SFXN2: variants seen among roughly 807,000 people sequenced by gnomAD.
The protein encoded by SFXN2 is sideroflexin 2, also known as sideroflexin-2.
In SFXN2, 37 loss-of-function variants were observed where a neutral mutation model predicts 41.9. The ratio of observed to expected loss-of-function variants is 0.88; its 90% CI spans 0.68 to 1.16. The LOEUF (loss-of-function observed/expected upper bound fraction) is 1.16. SFXN2 is among the 50% of genes most tolerant of loss of function. The pLI is 0.00. For synonymous variants in SFXN2, 150 were observed against 156.7 expected, an observed-to-expected ratio of 0.96 and a Z score of 0.32; for missense variants, 386 against 425.2, an observed-to-expected ratio of 0.91 and a Z score of 0.81.
rs1211740480 is a variant in SFXN2, at chr10:102,734,985, C to T, written c.822-877C>T. 6.6e-6 allele frequency among the ~76,000 whole-genome samples: 1 copy of T among 152,096 alleles called. No homozygotes were observed. Among genetic ancestry groups the T allele is most frequent in the Admixed American group, 6.6e-5 (1 of 15,252 alleles). On this transcript the variant is annotated intron_variant, in intron 10 of 11. Coordinates refer to ENST00000369893, the MANE Select transcript of SFXN2 (RefSeq NM_178858.6). The surrounding 1 kb of genome is among the most constrained non-coding windows in gnomAD (Gnocchi z 4.1). ...CAGTGAAGCTGGAGAAACTGCCTTT[C>T]ACTGTGCTCTGACAGCCCAGGTGTT...
At chr10:102,727,512 A>G (rs567869368) in intron 3 of SFXN2, among the ~76,000 whole-genome samples, 9 of 152,268 alleles carry the variant, frequency 5.9e-5, no homozygotes, top group Admixed American at 4.6e-4. Context: ...TTATTCCACA[A>G]TGATTTTAAT....
intron 11 of SFXN2, among the ~76,000 whole-genome samples, 196 bp downstream of exon 11, chr10:102,736,105 CAGG>C (rs1416138867): frequency 2.6e-5 from 4 of 152,230 alleles, no homozygotes; most frequent in Non-Finnish European, 5.9e-5. Context: ...CTGCGAGGGG[CAGG>C]AGAAGCCAGG....
intron 6 of SFXN2, 66 bp from the exon 7 acceptor site, chr10:102,731,657 A>G (rs569586714): frequency 3.5e-6 from 5 of 1,438,944 alleles, no homozygotes; most frequent in East Asian, 2.3e-5. Flanking sequence ...GTCCCCTGGC[A>G]TGTCATGTGG....
chr10:102,732,471 G>C (rs890254100), intron 8 of SFXN2, among the ~76,000 whole-genome samples: 2 of 152,246 alleles, frequency 1.3e-5, no homozygotes, highest in African/African-American at 4.8e-5. Context: ...GTTAGACACA[G>C]TGTGGGGTGC....
chr10:102,717,870 G>A, intron 1 of SFXN2: 1 of 857,148 alleles, frequency 1.2e-6, no homozygotes, highest in Non-Finnish European at 1.4e-6. Context: ...CTTACAGTCT[G>A]TCAGGGGAGG....
intron 7 of SFXN2, among the ~76,000 whole-genome samples, 163 bp downstream of exon 7, chr10:102,731,946 G>T (rs1251039534): frequency 2.0e-5 from 3 of 152,042 alleles, no homozygotes; most frequent in African/African-American, 7.3e-5. Flanking sequence ...TTCAGAACAG[G>T]CCCCTTCTCT....
At chr10:102,732,257 G>A (rs187075347) in intron 8 of SFXN2, 39 bp downstream of exon 8, 5 of 1,588,192 alleles carry the variant, frequency 3.1e-6, no homozygotes, top group Admixed American at 3.4e-5. Context: ...GGAAGCCTGT[G>A]ACACAGGGTG....
chr10:102,732,123 T>C (rs2064713357), intron 7 of SFXN2, 29 bp from the exon 8 acceptor site: 2 of 1,605,930 alleles, frequency 1.2e-6, no homozygotes, highest in East Asian at 4.5e-5. Context: ...ATACATCATT[T>C]CTGACAACTT....
In SFXN2 at chr10:102,741,025, C is replaced by A. The variant is rs1282933524; in HGVS notation, c.*3263C>A. 1 of 152,160 alleles carries A rather than the reference C, an allele frequency of 6.6e-6. No individual in the cohort carries two copies. Among genetic ancestry groups the A allele is most frequent in the Admixed American group, 6.5e-5 (1 of 15,268 alleles). 9.4% of individuals were successfully genotyped at this position (152,160 alleles called of 1,614,324 possible). A position where few individuals can be genotyped will look rare whatever the true frequency, so the allele number is the denominator to read the frequency against. On this transcript the variant is annotated 3_prime_UTR_variant, in exon 12 of 12. Transcript: ENST00000369893. ...GGTGGCTATAATGTTCAGGGACATT[C>A]TAAAAAGTGGTCACTCAAACTGCAT...
Position 102,726,593 on chromosome 10 carries a change from T to C in SFXN2, c.-25-19T>C, listed in dbSNP as rs1311547454. The C allele has an allele frequency of 6.2e-7, 1 of 1,610,250 alleles. No homozygotes were observed. The highest frequency in any genetic ancestry group is 1.3e-5 in the African/African-American group (1 of 75,024). ...GGCTTTGATTTAGGGGACAGTCATC[T>C]TCTTCCTTTGTCCCTTAGGTCCACA... On this transcript the variant is annotated intron_variant, in intron 1 of 11. Coordinates refer to ENST00000369893, the MANE Select transcript of SFXN2 (RefSeq NM_178858.6).
At chr10:102,720,940 T>C (rs930104031) in intron 1 of SFXN2, among the ~76,000 whole-genome samples, 1 of 152,194 alleles carries the variant, frequency 6.6e-6, no homozygotes, top group African/African-American at 2.4e-5. Flanking sequence ...CCTCAATTGT[T>C]TGGCTTTAAG....
Position 102,729,804 on chromosome 10 carries a change from C to T in SFXN2, c.589C>T (p.Gln197Ter), listed in dbSNP as rs765867960. 5.0e-6 allele frequency: 8 copies of T among 1,613,910 alleles called. No individual in the cohort carries two copies. In the Admixed American group the frequency reaches 1.2e-4, roughly 24 times the overall value. ...CTGTGTCAATATCCCCATGATGCGA[C>T]AGCAGTGAGTAAAGGCCCCTTTTTC... ...ANCVNIPMMR[Q>*]QELIKGICVK... is the part of the protein sequence containing the mutation. The change falls in exon 6 of 12, where the codon CAG (glutamine) becomes TAG (stop). Residue 197 changes from glutamine to a stop codon, truncating the protein, a stop_gained. Transcript: ENST00000369893. LOFTEE classifies it high-confidence loss of function.
rs151325401 is a variant in SFXN2, at chr10:102,742,734, G to A, written c.*4972G>A. The A allele has an allele frequency of 5.3e-5, 8 of 150,942 alleles. No homozygotes were observed. Among genetic ancestry groups the A allele is most frequent in the African/African-American group, 1.9e-4 (8 of 41,048 alleles). 9.4% of individuals were successfully genotyped at this position (150,942 alleles called of 1,614,324 possible). A position where few individuals can be genotyped will look rare whatever the true frequency, so the allele number is the denominator to read the frequency against. ...ATCTACCTGCCTCAGCCTCCCAAAGGGCTAGGATTATAAGCATGAGCCACC... is the reference window on the plus strand; with the variant it reads ...ATCTACCTGCCTCAGCCTCCCAAAGAGCTAGGATTATAAGCATGAGCCACC... On this transcript the variant is annotated 3_prime_UTR_variant, in exon 12 of 12. Transcript: ENST00000369893.
At chr10:102,730,164 T>C (rs1365844455) in intron 6 of SFXN2, among the ~76,000 whole-genome samples, 1 of 152,144 alleles carries the variant, frequency 6.6e-6, no homozygotes, top group Non-Finnish European at 1.5e-5. Flanking sequence ...CAGAATGAAA[T>C]GTAGCAGGCT....
intron 1 of SFXN2, among the ~76,000 whole-genome samples, chr10:102,718,657 C>T (rs560960360): frequency 6.6e-6 from 1 of 152,330 alleles, no homozygotes; most frequent in African/African-American, 2.4e-5. Context: ...TGAGCCTCTC[C>T]TCTTGTTCCT....
rs1358983477 is a variant in SFXN2 at position 102,729,389 on chromosome 10, A to G, written c.502A>G (p.Thr168Ala). 6.2e-7 allele frequency: 1 copy of G among 1,614,060 alleles called. No homozygotes were observed. Among genetic ancestry groups the G allele is most frequent in the Admixed American group, 1.7e-5 (1 of 60,018 alleles). ...CACGGCTGTGGGCATGAACATGTTG[A>G]CAAAGGTATGGTCTGGGGCCGCTGC... ...VATAVGMNMLTKKAPPLVGRW... is the reference protein window; with the variant it reads ...VATAVGMNMLAKKAPPLVGRW... Residue 168 changes from threonine (T) to alanine (A), a missense_variant, in exon 5 of 12, where the codon ACA (threonine) becomes GCA (alanine). Transcript: ENST00000369893.
At chr10:102,731,109 A>G (rs2064696737) in intron 6 of SFXN2, among the ~76,000 whole-genome samples, 1 of 150,942 alleles carries the variant, frequency 6.6e-6, no homozygotes, top group South Asian at 2.1e-4. Flanking sequence ...CAAAAAACAA[A>G]AACAAAAATT....
At chr10:102,729,181 G>A in intron 4 of SFXN2, 138 bp from the exon 5 acceptor site, 1 of 728,200 alleles carries the variant, frequency 1.4e-6, no homozygotes, top group South Asian at 1.7e-5. Context: ...GGGGGAGAGG[G>A]TCACAAGATA....
chr10:102,718,007 G>T (rs552918306), intron 1 of SFXN2, among the ~76,000 whole-genome samples: 30 of 152,328 alleles, frequency 2.0e-4, no homozygotes, highest in African/African-American at 7.2e-4. Context: ...TGAAGGAGTC[G>T]GGGAAGAGTG....
Sources: allele counts gnomAD v4.1 joint callset (sites outside exome capture counted in the v4.1 genomes callset), GRCh38; gene constraint gnomAD v4.1.1; non-coding constraint Gnocchi (gnomAD v3.1); transcripts MANE v1.5; gene names NCBI Gene and HGNC (gene_info 2026-07-23, HGNC 2026-07-21).